The following CDK14 variants were observed in gnomAD, a reference collection of about 807,000 sequenced individuals.
CDK14 encodes the protein cyclin dependent kinase 14, also known as cyclin-dependent kinase 14.
CDK14 carries 34 observed loss-of-function variants against 60.7 expected under a neutral mutation model. The observed-to-expected ratio is 0.56, with a 90% CI of 0.43 to 0.75. The LOEUF is 0.75. Among genes scored for constraint, CDK14 ranks in the 30% least tolerant of loss-of-function variants. The pLI is 0.00. For missense variants in CDK14, 482 were observed against 564.1 expected, an observed-to-expected ratio of 0.85 and a Z score of 1.47; for synonymous variants, 197 against 203.7, an observed-to-expected ratio of 0.97 and a Z score of 0.28.
Position 91,045,910 on chromosome 7 carries a change from C to G in CDK14, c.1055C>G (p.Pro352Arg). 1 of 1,610,172 alleles carries G rather than the reference C, an allele frequency of 6.2e-7. No homozygotes were observed. The highest frequency in any genetic ancestry group is 8.5e-7 in the Non-Finnish European group (1 of 1,176,622). The change falls in exon 11 of 15, where the codon CCA becomes CGA. Residue 352 changes from proline (P) to arginine (R), a missense_variant. Transcript: ENST00000380050. ...LERIFLVLGT[P>R]NEDTWPGVHS... ...ACTCTCCACTAGGTTCTTGGAACAC[C>G]AAATGAGGACACATGGCCTGGAGTT...
chr7:91,075,824 A>G (rs1414303644), intron 11 of CDK14, among the ~76,000 whole-genome samples: 3 of 152,206 alleles, frequency 2.0e-5, no homozygotes, highest in Non-Finnish European at 4.4e-5. Flanking sequence ...CGTACCAACA[A>G]TAGACAAACA....
At chr7:90,718,851 T>A (rs1490529793) in intron 2 of CDK14, among the ~76,000 whole-genome samples, 1 of 152,146 alleles carries the variant, frequency 6.6e-6, no homozygotes, top group Non-Finnish European at 1.5e-5. Flanking sequence ...GTTATGATTC[T>A]AGTGGCAATG....
intron 14 of CDK14, among the ~76,000 whole-genome samples, chr7:91,197,534 A>C (rs150697527): frequency 6.6e-6 from 1 of 152,114 alleles, no homozygotes; most frequent in Non-Finnish European, 1.5e-5. Context: ...TGTACCTCCT[A>C]TTGCAGATAT....
chr7:91,058,661 T>C (rs919356316), intron 11 of CDK14, among the ~76,000 whole-genome samples: 11 of 152,258 alleles, frequency 7.2e-5, no homozygotes, highest in African/African-American at 2.7e-4. Flanking sequence ...ATTGAGATAA[T>C]CATGTGGTTT....
chr7:90,824,016 G>T (rs1475724047), intron 5 of CDK14, among the ~76,000 whole-genome samples: 4 of 152,142 alleles, frequency 2.6e-5, no homozygotes, highest in African/African-American at 9.7e-5. Context: ...CCATATGTTG[G>T]TAAGTAGTAC....
intron 5 of CDK14, among the ~76,000 whole-genome samples, chr7:90,800,090 T>C (rs1445961117): frequency 6.6e-6 from 1 of 152,136 alleles, no homozygotes; most frequent in Non-Finnish European, 1.5e-5. Flanking sequence ...TTTGGGTACA[T>C]TCTTTTTAAT....
At chr7:90,606,969 A>G (rs766260552) in intron 2 of CDK14, among the ~76,000 whole-genome samples, 2 of 152,184 alleles carry the variant, frequency 1.3e-5, no homozygotes, top group Non-Finnish European at 2.9e-5. Context: ...TAATGTAACA[A>G]CCAACATAAG....
chr7:91,094,375 A>G (rs990792606), intron 12 of CDK14, among the ~76,000 whole-genome samples: 27 of 152,138 alleles, frequency 1.8e-4, no homozygotes, highest in Admixed American at 1.8e-3. Context: ...TTTTAAGTCC[A>G]TTTAGTAAGG....
chr7:90,624,595 A>G (rs1799838253), intron 2 of CDK14, among the ~76,000 whole-genome samples: 1 of 152,218 alleles, frequency 6.6e-6, no homozygotes, highest in Non-Finnish European at 1.5e-5. Context: ...GCTAGCAACC[A>G]TCCCCTGAGA....
intron 10 of CDK14, among the ~76,000 whole-genome samples, chr7:91,036,745 G>C (rs1484664332): frequency 6.6e-6 from 1 of 152,036 alleles, no homozygotes; most frequent in Non-Finnish European, 1.5e-5. Flanking sequence ...CATATATATA[G>C]TTGGTAAGAC....
At chr7:90,649,422 CTTCTTTCT>C in intron 2 of CDK14, among the ~76,000 whole-genome samples, 1 of 62,084 alleles carries the variant, frequency 1.6e-5, no homozygotes, top group Non-Finnish European at 2.8e-5. Context: ...TCTTTCTTTC[CTTCTTTCT>C]TTCTCTTTCC....
intron 14 of CDK14, among the ~76,000 whole-genome samples, chr7:91,119,035 G>GTATA (rs775419659): frequency 6.6e-6 from 1 of 151,020 alleles, no homozygotes; most frequent in Non-Finnish European, 1.5e-5. Context: ...GTGTGTGTGT[G>GTATA]TATATATATA....
chr7:90,784,614 C>T (rs1805490348), intron 4 of CDK14, among the ~76,000 whole-genome samples: 1 of 152,166 alleles, frequency 6.6e-6, no homozygotes, highest in African/African-American at 2.4e-5. Flanking sequence ...TTCCACTTCT[C>T]TCTGTATTAC....
intron 2 of CDK14, among the ~76,000 whole-genome samples, chr7:90,657,685 C>T (rs1374819594): frequency 6.6e-6 from 1 of 152,186 alleles, no homozygotes; most frequent in Non-Finnish European, 1.5e-5. Context: ...CTCTATTGGA[C>T]AGCACAGCTC....
intron 4 of CDK14, among the ~76,000 whole-genome samples, chr7:90,758,778 G>T (rs2116852006): frequency 6.6e-6 from 1 of 152,314 alleles, no homozygotes; most frequent in East Asian, 1.9e-4. Flanking sequence ...AAAGGCCCAG[G>T]TACACAGTGG....
At chr7:91,043,454 G>A (rs1191361106) in intron 10 of CDK14, among the ~76,000 whole-genome samples, 1 of 152,220 alleles carries the variant, frequency 6.6e-6, no homozygotes, top group African/African-American at 2.4e-5. Flanking sequence ...GCAAATTTTA[G>A]TGAGAACAAA....
At chr7:90,789,851 T>C (rs1215504560) in intron 4 of CDK14, among the ~76,000 whole-genome samples, 2 of 152,110 alleles carry the variant, frequency 1.3e-5, no homozygotes, top group African/African-American at 4.8e-5. Context: ...ATGTCTTTGA[T>C]TGATGGCAGA....
intron 4 of CDK14, among the ~76,000 whole-genome samples, chr7:90,773,469 T>G (rs1804867581): frequency 6.6e-6 from 1 of 152,254 alleles, no homozygotes; most frequent in Non-Finnish European, 1.5e-5. Flanking sequence ...GCCCAGGGCC[T>G]GCCGCATAGT....
chr7:90,990,434 G>A (rs538348191), intron 10 of CDK14, among the ~76,000 whole-genome samples: 1 of 152,206 alleles, frequency 6.6e-6, no homozygotes, highest in Non-Finnish European at 1.5e-5. Context: ...AGGGACAATA[G>A]ATTATAATAC....
Sources: allele counts gnomAD v4.1 joint callset (sites outside exome capture counted in the v4.1 genomes callset), GRCh38; gene constraint gnomAD v4.1.1; transcripts MANE v1.5; gene names NCBI Gene and HGNC (gene_info 2026-07-23, HGNC 2026-07-21).